SMAP1: variants seen among roughly 807,000 people sequenced by gnomAD.
SMAP1 encodes stromal membrane-associated protein 1.
A neutral mutation model predicts 58.5 loss-of-function variants in SMAP1; 24 were observed. The ratio of observed to expected loss-of-function variants is 0.41; its 90% CI spans 0.30 to 0.58. SMAP1 has a LOEUF of 0.58. SMAP1 is among the 20% of genes least tolerant of loss of function. SMAP1 has a pLI of 0.29. For synonymous variants in SMAP1, 216 were observed against 196.6 expected (o/e 1.10, Z -0.82); for missense variants, 563 against 566.3 (o/e 0.99, Z 0.06).
intron 4 of SMAP1, among the ~76,000 whole-genome samples, chr6:70,788,339 T>C (rs956746142): frequency 6.8e-6 from 1 of 146,522 alleles, no homozygotes; most frequent in African/African-American, 2.5e-5. Flanking sequence ...TTAGGAGATA[T>C]ACCTAATGCT....
At chr6:70,796,362 A>G (rs143062543) in intron 5 of SMAP1, among the ~76,000 whole-genome samples, 2 of 152,330 alleles carry the variant, frequency 1.3e-5, no homozygotes, top group African/African-American at 2.4e-5. Flanking sequence ...CAGTCCTGCT[A>G]CTAGCTTTGA....
At chr6:70,821,062 T>C (rs1466589235) in intron 6 of SMAP1, among the ~76,000 whole-genome samples, 1 of 152,104 alleles carries the variant, frequency 6.6e-6, no homozygotes, top group Non-Finnish European at 1.5e-5. Context: ...CCTGTTAGGA[T>C]TTCCCCCCCT....
intron 3 of SMAP1, among the ~76,000 whole-genome samples, chr6:70,768,032 T>C (rs1324996035): frequency 6.6e-6 from 1 of 151,824 alleles, no homozygotes; most frequent in East Asian, 1.9e-4. Context: ...TCTTTGGTTC[T>C]GTTTATATGC....
chr6:70,770,230 G>C (rs1344090832), intron 3 of SMAP1, among the ~76,000 whole-genome samples: 1 of 151,454 alleles, frequency 6.6e-6, no homozygotes, highest in Admixed American at 6.6e-5. Flanking sequence ...ATGTGTCTTG[G>C]AGTTGCTCTT....
At chr6:70,668,605 G>C in intron 1 of SMAP1, 1 of 1,535,824 alleles carries the variant, frequency 6.5e-7, no homozygotes, top group Non-Finnish European at 8.7e-7. Context: ...CTCCCACTCC[G>C]GGCTCGGATT....
intron 6 of SMAP1, among the ~76,000 whole-genome samples, chr6:70,821,541 A>T (rs1769891578): frequency 6.6e-6 from 1 of 152,144 alleles, no homozygotes; most frequent in South Asian, 2.1e-4. Flanking sequence ...GTTATCTTTA[A>T]ATGAGTAAAT....
At chr6:70,858,284 A>AAT in intron 10 of SMAP1, 55 bp downstream of exon 10, 2 of 967,414 alleles carry the variant, frequency 2.1e-6, no homozygotes, top group African/African-American at 1.8e-5. Flanking sequence ...TTATTTTCTA[A>AAT]ATCTTTTTTT....
intron 1 of SMAP1, among the ~76,000 whole-genome samples, chr6:70,700,998 A>T (rs1767604144): frequency 6.6e-6 from 1 of 152,042 alleles, no homozygotes; most frequent in Admixed American, 6.5e-5. Context: ...GGATGAACTG[A>T]TATCCAAGTT....
chr6:70,798,532 C>T (rs550972742), intron 5 of SMAP1, 125 bp from the exon 6 acceptor site: 51 of 646,120 alleles, frequency 7.9e-5, no homozygotes, highest in Admixed American at 3.4e-4. Context: ...TTCAGTAGCA[C>T]GTAGATATTG....
At chr6:70,797,131 C>A (rs1253481739) in intron 5 of SMAP1, among the ~76,000 whole-genome samples, 1 of 152,138 alleles carries the variant, frequency 6.6e-6, no homozygotes, top group Non-Finnish European at 1.5e-5. Context: ...ATTGCTTATT[C>A]ATGCCCCAAA....
At chr6:70,677,302 A>G (rs1245660985) in intron 1 of SMAP1, among the ~76,000 whole-genome samples, 4 of 151,262 alleles carry the variant, frequency 2.6e-5, no homozygotes, top group African/African-American at 9.7e-5. Context: ...CAAAGCTAGG[A>G]TTCAGTCCAA....
At position 70,773,422 on chromosome 6, in the gene SMAP1, A is replaced by G; in HGVS notation, c.411A>G (p.Thr137=). 3.3e-6 allele frequency: 5 copies of G among 1,526,146 alleles called. No homozygotes were observed. The highest frequency in any genetic ancestry group is 3.6e-6 in the Non-Finnish European group (4 of 1,112,578). 94.5% of individuals were successfully genotyped at this position (1,526,146 alleles called of 1,614,324 possible). ...KYYDKNAIAI[T]NISSSDAPLQ... is the part of the protein sequence containing the mutation. ...ACGATAAAAATGCCATAGCTATTAC[A>G]AATGTAAGTAAAACCTTCATCTCTC... The change falls in exon 4 of 11, where the codon ACA becomes ACG. Residue 137 remains threonine (T), a synonymous_variant. Transcript: ENST00000370455.
chr6:70,690,343 G>T (rs1767108150), intron 1 of SMAP1, among the ~76,000 whole-genome samples: 1 of 151,652 alleles, frequency 6.6e-6, no homozygotes, highest in Admixed American at 6.6e-5. Flanking sequence ...TTTCGCTCTT[G>T]TTGCCCAGGC....
At chr6:70,754,470 A>G (rs985684501) in intron 2 of SMAP1, among the ~76,000 whole-genome samples, 1 of 152,188 alleles carries the variant, frequency 6.6e-6, no homozygotes, top group East Asian at 1.9e-4. Flanking sequence ...GATTATTATT[A>G]ATAACTCAAA....
At chr6:70,759,317 C>G (rs77277460) in intron 3 of SMAP1, among the ~76,000 whole-genome samples, 4 of 151,934 alleles carry the variant, frequency 2.6e-5, no homozygotes, top group African/African-American at 4.8e-5. Context: ...TATGACCCCT[C>G]GAATTGAAGA....
intron 6 of SMAP1, among the ~76,000 whole-genome samples, chr6:70,832,666 C>A (rs952087638): frequency 6.6e-6 from 1 of 152,322 alleles, no homozygotes; most frequent in South Asian, 2.1e-4. Flanking sequence ...TGAGGTCCCT[C>A]ATGCTGTATC....
chr6:70,727,037 T>A (rs1320874602), intron 1 of SMAP1, among the ~76,000 whole-genome samples: 1 of 152,038 alleles, frequency 6.6e-6, no homozygotes, highest in Non-Finnish European at 1.5e-5. Context: ...CACTGTTCAT[T>A]TTACCAAGAA....
At chr6:70,699,497 T>C (rs182112644) in intron 1 of SMAP1, among the ~76,000 whole-genome samples, 1 of 152,172 alleles carries the variant, frequency 6.6e-6, no homozygotes, top group African/African-American at 2.4e-5. Context: ...GACAGCGAGC[T>C]CTCCACTGGC....
At chr6:70,824,421 A>G (rs1422890435) in intron 6 of SMAP1, among the ~76,000 whole-genome samples, 1 of 152,178 alleles carries the variant, frequency 6.6e-6, no homozygotes, top group Non-Finnish European at 1.5e-5. Context: ...TTTAGAAAAC[A>G]GGAATAAAAA....
Sources: gnomAD v4.1 joint callset for allele counts (sites outside exome capture counted in the v4.1 genomes callset) on GRCh38, gnomAD v4.1.1 for gene constraint, MANE v1.5 for transcripts, NCBI Gene and HGNC (gene_info 2026-07-23, HGNC 2026-07-21) for gene names.